The following DTNBP1 variants were observed in gnomAD, a reference collection of about 807,000 sequenced individuals.
The protein encoded by DTNBP1 is dysbindin.
DTNBP1 carries 35 observed loss-of-function variants against 42.8 expected under a neutral mutation model. The ratio of observed to expected loss-of-function variants is 0.82; its 90% CI spans 0.63 to 1.09. The LOEUF (loss-of-function observed/expected upper bound fraction) is 1.09. Among genes scored for constraint, DTNBP1 ranks in the 50% least tolerant of loss-of-function variants. DTNBP1 has a pLI of 0.00. For missense variants in DTNBP1, 457 were observed against 424.2 expected, an observed-to-expected ratio of 1.08 and a Z score of -0.68; for synonymous variants, 171 against 162.2, an observed-to-expected ratio of 1.05 and a Z score of -0.41.
chr6:15,534,361 T>G (rs904950548), intron 7 of DTNBP1, among the ~76,000 whole-genome samples: 7 of 152,126 alleles, frequency 4.6e-5, no homozygotes, highest in African/African-American at 1.4e-4. Context: ...AGTAAAAAGT[T>G]GGGAACAGGG....
At chr6:15,650,228 A>C (rs1339752908) in intron 3 of DTNBP1, among the ~76,000 whole-genome samples, 2 of 152,230 alleles carry the variant, frequency 1.3e-5, no homozygotes, top group African/African-American at 4.8e-5. Context: ...CACATTAGTA[A>C]GCACAGAAAT....
chr6:15,634,027 T>G (rs1041553572), intron 4 of DTNBP1, among the ~76,000 whole-genome samples: 1 of 152,194 alleles, frequency 6.6e-6, no homozygotes. Context: ...ATTGCAGTGG[T>G]CTGGAACCAA....
intron 7 of DTNBP1, among the ~76,000 whole-genome samples, chr6:15,535,589 C>G (rs957109203): frequency 1.3e-5 from 2 of 152,244 alleles, no homozygotes; most frequent in East Asian, 3.9e-4. Context: ...AGTGCTGGAA[C>G]TACAGGTGTG....
chr6:15,631,558 TACC>T (rs1253473530), intron 4 of DTNBP1, among the ~76,000 whole-genome samples: 6 of 152,232 alleles, frequency 3.9e-5, no homozygotes, highest in African/African-American at 1.4e-4. Flanking sequence ...TTATGAATAA[TACC>T]ACACTTTTCC....
intron 3 of DTNBP1, among the ~76,000 whole-genome samples, chr6:15,639,899 T>C (rs1760238439): frequency 6.6e-6 from 1 of 152,192 alleles, no homozygotes; most frequent in Non-Finnish European, 1.5e-5. Flanking sequence ...ACTTGCCAAA[T>C]TTAGACTCCA....
At chr6:15,631,175 C>T (rs995830283) in intron 4 of DTNBP1, among the ~76,000 whole-genome samples, 4 of 152,130 alleles carry the variant, frequency 2.6e-5, no homozygotes, top group Non-Finnish European at 5.9e-5. Flanking sequence ...TAATACTATG[C>T]ATACTAAAGA....
intron 7 of DTNBP1, among the ~76,000 whole-genome samples, chr6:15,558,598 A>G (rs997841064): frequency 2.0e-5 from 3 of 152,192 alleles, no homozygotes; most frequent in African/African-American, 7.2e-5. Flanking sequence ...CAGGTCTCTG[A>G]TAACTTTGAA....
rs1031836710 is a variant in DTNBP1, at chr6:15,539,547, T to A, written c.512-6152A>T. On this transcript the variant is annotated intron_variant, in intron 7 of 9. Transcript: ENST00000344537. ...TGTGGCTGTTTTTCTGGTCAGAGTATTCTCTGAATCTCAGGGAACCTAGCC... is the reference window on the plus strand; with the variant it reads ...TGTGGCTGTTTTTCTGGTCAGAGTAATCTCTGAATCTCAGGGAACCTAGCC... 6.6e-5 allele frequency among the ~76,000 whole-genome samples: 10 copies of A among 152,314 alleles called. No homozygotes were observed. The East Asian group carries it at 1.9e-3, about 29-fold the overall frequency.
chr6:15,522,936 C>T lies in DTNBP1; in HGVS notation c.*39G>A, dbSNP rs772304955. ...GGTGGAATTCCGCATACAGCCAAAA[C>T]TGGATTCCAGTGTGGCCAGACAACG... On this transcript the variant is annotated 3_prime_UTR_variant, in exon 10 of 10. Coordinates refer to ENST00000344537, the MANE Select transcript of DTNBP1 (RefSeq NM_032122.5). 3.1e-6 allele frequency: 5 copies of T among 1,614,236 alleles called. No individual in the cohort carries two copies. Among genetic ancestry groups the T allele is most frequent in the Non-Finnish European group, 4.2e-6 (5 of 1,180,050 alleles).
intron 7 of DTNBP1, among the ~76,000 whole-genome samples, chr6:15,547,029 A>G (rs1773920598): frequency 6.6e-6 from 1 of 150,770 alleles, no homozygotes; most frequent in Non-Finnish European, 1.5e-5. Flanking sequence ...TTTAAGCCAC[A>G]TCTGACATGT....
At position 15,651,378 on chromosome 6, in the gene DTNBP1, CACTTAT is replaced by C. The variant is rs750937991; in HGVS notation, c.111-21_111-16del. 6.2e-7 allele frequency: 1 copy of C among 1,602,252 alleles called. No homozygotes were observed. The highest frequency in any genetic ancestry group is 1.1e-5 in the South Asian group (1 of 89,748). On this transcript the variant is annotated splice_polypyrimidine_tract_variant and intron_variant, in intron 2 of 9. Coordinates refer to ENST00000344537, the MANE Select transcript of DTNBP1 (RefSeq NM_032122.5). ...ATGGAACAGTCCTGCCCAAAAGAAA[CACTTAT>C]TAAAACTGTTCTTGATTTAGCCAAC...
At chr6:15,554,108 A>G (rs1437810496) in intron 7 of DTNBP1, among the ~76,000 whole-genome samples, 1 of 152,194 alleles carries the variant, frequency 6.6e-6, no homozygotes, top group Non-Finnish European at 1.5e-5. Flanking sequence ...TTGTCCAGTC[A>G]TATTTCTACA....
intron 7 of DTNBP1, among the ~76,000 whole-genome samples, chr6:15,549,532 C>T (rs1774093480): frequency 7.1e-6 from 1 of 141,442 alleles, no homozygotes; most frequent in Admixed American, 7.0e-5. Flanking sequence ...ACCGAAATAT[C>T]GCAATCCAGA....
intron 6 of DTNBP1, among the ~76,000 whole-genome samples, chr6:15,593,708 A>G (rs979129123): frequency 6.6e-6 from 1 of 152,262 alleles, no homozygotes; most frequent in African/African-American, 2.4e-5. Context: ...AGATTAAAAT[A>G]AACATTTTGT....
chr6:15,613,166 G>T (rs189216802), intron 6 of DTNBP1, among the ~76,000 whole-genome samples: 27 of 151,848 alleles, frequency 1.8e-4, no homozygotes, highest in South Asian at 4.2e-4. Flanking sequence ...AAAATTTGCT[G>T]GGCGTGGTGG....
chr6:15,611,552 T>G (rs1311231116), intron 6 of DTNBP1, among the ~76,000 whole-genome samples: 1 of 152,234 alleles, frequency 6.6e-6, no homozygotes, highest in African/African-American at 2.4e-5. Flanking sequence ...TAATGATTCC[T>G]TCAACGGATC....
At position 15,581,291 on chromosome 6, in the gene DTNBP1, T is replaced by G. The variant is rs1477197533; in HGVS notation, c.511+11768A>C. Among the ~76,000 whole-genome samples, 10 of 152,118 alleles carry G rather than the reference T, an allele frequency of 6.6e-5. No homozygotes were observed. In the South Asian group the frequency reaches 8.3e-4, roughly 13 times the overall value. On this transcript the variant is annotated intron_variant, in intron 7 of 9. Transcript: ENST00000344537. ...GCCACCCAGGTTCAAGCAATTCTCCTGCCTCAGCCTTCCGAGTAGCTGGGA... is the reference window on the plus strand; with the variant it reads ...GCCACCCAGGTTCAAGCAATTCTCCGGCCTCAGCCTTCCGAGTAGCTGGGA...
At chr6:15,585,967 T>A in intron 7 of DTNBP1, 5 of 1,311,434 alleles carry the variant, frequency 3.8e-6, no homozygotes, top group Non-Finnish European at 4.8e-6. Flanking sequence ...TGGAATCTAC[T>A]GCCTCTATAA....
chr6:15,625,191 C>T (rs1759271096), intron 5 of DTNBP1, among the ~76,000 whole-genome samples: 1 of 152,004 alleles, frequency 6.6e-6, no homozygotes, highest in South Asian at 2.1e-4. Context: ...TAGATTAAAA[C>T]CCAAAGGAAG....
Sources: gnomAD v4.1 joint callset for allele counts (sites outside exome capture counted in the v4.1 genomes callset) on GRCh38, gnomAD v4.1.1 for gene constraint, MANE v1.5 for transcripts, NCBI Gene and HGNC (gene_info 2026-07-23, HGNC 2026-07-21) for gene names.